Variants in ZBTB7C observed in about 807,000 individuals in gnomAD.
ZBTB7C encodes zinc finger and BTB domain containing 7C, also known as zinc finger and BTB domain-containing protein 7C.
ZBTB7C carries 8 observed loss-of-function variants against 25.7 expected under a neutral mutation model. The ratio of observed to expected loss-of-function variants is 0.31; its 90% CI spans 0.18 to 0.56. The LOEUF (loss-of-function observed/expected upper bound fraction) is 0.56, where lower values mean the gene tolerates loss of function less well. ZBTB7C is among the 20% of genes least tolerant of loss of function. The pLI is 0.91. For missense variants in ZBTB7C, 824 were observed against 855.2 expected, an observed-to-expected ratio of 0.96 and a Z score of 0.46; for synonymous variants, 394 against 369.0, an observed-to-expected ratio of 1.07 and a Z score of -0.78.
At chr18:48,355,986 C>G (rs868801591) in intron 1 of ZBTB7C, among the ~76,000 whole-genome samples, 1 of 152,294 alleles carries the variant, frequency 6.6e-6, no homozygotes, top group East Asian at 1.9e-4. Flanking sequence ...ACAGCAGCAA[C>G]AGGCAACTTG....
At chr18:48,202,608 C>CTGCTCAGGT in intron 2 of ZBTB7C, among the ~76,000 whole-genome samples, 1 of 152,010 alleles carries the variant, frequency 6.6e-6, no homozygotes, top group South Asian at 2.1e-4. Flanking sequence ...CTTAGTACCC[C>CTGCTCAGGT]ACTGTGCTCT....
intron 3 of ZBTB7C, among the ~76,000 whole-genome samples, chr18:48,109,137 G>A (rs35728350): frequency 0.16 from 24,051 of 152,104 alleles, 2,321 homozygotes; most frequent in Non-Finnish European, 0.21. Context: ...CCCTAGCAAT[G>A]GCCTTGGGGT....
At chr18:48,247,360 T>C (rs1490585161) in intron 2 of ZBTB7C, among the ~76,000 whole-genome samples, 1 of 152,170 alleles carries the variant, frequency 6.6e-6, no homozygotes, top group Non-Finnish European at 1.5e-5. Context: ...AAATAAATAC[T>C]GAAAAAGAAG....
At chr18:48,397,628 G>T (rs2145295372) in intron 1 of ZBTB7C, among the ~76,000 whole-genome samples, 1 of 152,268 alleles carries the variant, frequency 6.6e-6, no homozygotes, top group Admixed American at 6.5e-5. Context: ...GCTCAGCAAT[G>T]TCATTTCTCA....
chr18:48,307,019 C>G (rs1002058213), intron 2 of ZBTB7C, among the ~76,000 whole-genome samples: 3 of 152,136 alleles, frequency 2.0e-5, no homozygotes, highest in African/African-American at 4.8e-5. Flanking sequence ...CTCTCCCACT[C>G]CACCCTCCTA....
intron 3 of ZBTB7C, among the ~76,000 whole-genome samples, chr18:48,154,052 C>T (rs970675660): frequency 1.3e-5 from 2 of 152,134 alleles, no homozygotes; most frequent in African/African-American, 4.8e-5. Context: ...GTCCAAAGGC[C>T]ACAGCTGGAT....
chr18:48,317,971 T>A (rs967484593), intron 2 of ZBTB7C, among the ~76,000 whole-genome samples: 25 of 117,654 alleles, frequency 2.1e-4, no homozygotes, highest in Non-Finnish European at 4.8e-4. Flanking sequence ...GGAGGACCCC[T>A]GCCTCCTTCC....
At chr18:48,407,232 G>GA (rs1242208560) in intron 1 of ZBTB7C, among the ~76,000 whole-genome samples, 12 of 152,160 alleles carry the variant, frequency 7.9e-5, no homozygotes, top group Non-Finnish European at 1.0e-4. Context: ...TAATTACCAG[G>GA]AAAACAGAGT....
intron 1 of ZBTB7C, among the ~76,000 whole-genome samples, 178 bp downstream of exon 1, chr18:48,409,048 A>T (rs1399276861): frequency 6.7e-6 from 1 of 149,676 alleles, no homozygotes; most frequent in Non-Finnish European, 1.5e-5. Flanking sequence ...CCGGCGCCCC[A>T]AGGCGCGCGG....
chr18:48,331,937 AT>A (rs1384954151), intron 2 of ZBTB7C, among the ~76,000 whole-genome samples: 6 of 151,942 alleles, frequency 3.9e-5, no homozygotes, highest in Admixed American at 3.3e-4. Flanking sequence ...TTATTCTGAA[AT>A]TTTTTTCTGC....
chr18:48,202,442 G>T (rs565217637), intron 2 of ZBTB7C, among the ~76,000 whole-genome samples: 3 of 147,496 alleles, frequency 2.0e-5, no homozygotes, highest in Admixed American at 2.0e-4. Flanking sequence ...AGGCACAGTC[G>T]CAGGGCGGGA....
At chr18:48,228,339 C>T (rs2043158036) in intron 2 of ZBTB7C, among the ~76,000 whole-genome samples, 1 of 152,184 alleles carries the variant, frequency 6.6e-6, no homozygotes, top group Non-Finnish European at 1.5e-5. Flanking sequence ...TAAGGGTGAG[C>T]CCTGAGAGCA....
intron 2 of ZBTB7C, among the ~76,000 whole-genome samples, chr18:48,304,862 A>G (rs1009217792): frequency 1.3e-5 from 2 of 151,484 alleles, no homozygotes; most frequent in African/African-American, 4.9e-5. Flanking sequence ...AAAAAAAAAA[A>G]AGATAGCCTT....
intron 2 of ZBTB7C, among the ~76,000 whole-genome samples, chr18:48,265,745 G>A (rs139085970): frequency 6.6e-6 from 1 of 152,346 alleles, no homozygotes; most frequent in African/African-American, 2.4e-5. Flanking sequence ...TAACTGGCCT[G>A]TATTCAACAA....
chr18:48,351,109 T>C (rs1207103990), intron 1 of ZBTB7C, among the ~76,000 whole-genome samples: 4 of 152,100 alleles, frequency 2.6e-5, no homozygotes, highest in Non-Finnish European at 5.9e-5. Flanking sequence ...CAGCTACTGC[T>C]GAATGGCCCT....
chr18:48,069,466 TCC>T (rs760470703), intron 3 of ZBTB7C, among the ~76,000 whole-genome samples: 2 of 152,146 alleles, frequency 1.3e-5, no homozygotes, highest in Non-Finnish European at 2.9e-5. Context: ...TTCTGTGTCT[TCC>T]CCTGGACTGT....
chr18:48,288,287 T>G (rs1028469262), intron 2 of ZBTB7C, among the ~76,000 whole-genome samples: 1 of 152,086 alleles, frequency 6.6e-6, no homozygotes. Flanking sequence ...TGTAAGAAGG[T>G]GGGGACTTTG....
chr18:48,245,726 T>G (rs372085842), intron 2 of ZBTB7C, among the ~76,000 whole-genome samples: 40 of 152,238 alleles, frequency 2.6e-4, no homozygotes, highest in African/African-American at 8.7e-4. Flanking sequence ...ATTCCTAGAA[T>G]GCTAGAGCCG....
At chr18:48,134,860 A>C (rs1369292408) in intron 3 of ZBTB7C, among the ~76,000 whole-genome samples, 2 of 152,252 alleles carry the variant, frequency 1.3e-5, no homozygotes, top group Non-Finnish European at 2.9e-5. Context: ...TAATCTGAAC[A>C]GCAGGGGCTC....
Sources: gnomAD v4.1 joint callset for allele counts (sites outside exome capture counted in the v4.1 genomes callset) on GRCh38, gnomAD v4.1.1 for gene constraint, MANE v1.5 for transcripts, NCBI Gene and HGNC (gene_info 2026-07-23, HGNC 2026-07-21) for gene names.